The following WASHC3 variants were observed in gnomAD, a reference collection of about 807,000 sequenced individuals.
WASHC3 encodes WASH complex subunit CCDC53.
A neutral mutation model predicts 26.1 loss-of-function variants in WASHC3; 24 were observed. That is an observed-to-expected ratio of 0.92 (90% confidence interval 0.66 to 1.29). WASHC3 has a LOEUF of 1.29. WASHC3 is among the 50% of genes most tolerant of loss of function. WASHC3 has a pLI of 0.00. For missense variants in WASHC3, 214 were observed against 229.6 expected, an observed-to-expected ratio of 0.93 and a Z score of 0.44; for synonymous variants, 77 against 75.7, an observed-to-expected ratio of 1.02 and a Z score of -0.09.
At chr12:102,024,520 T>C (rs977775103) in intron 6 of WASHC3, among the ~76,000 whole-genome samples, 2 of 152,202 alleles carry the variant, frequency 1.3e-5, no homozygotes, top group Non-Finnish European at 2.9e-5. Context: ...GATTATCAAG[T>C]TGCTAGTGCA....
intron 6 of WASHC3, among the ~76,000 whole-genome samples, chr12:102,018,471 CTTTG>C (rs1228381841): frequency 3.3e-5 from 5 of 152,118 alleles, no homozygotes; most frequent in Admixed American, 6.6e-5. Context: ...TACTTATTGT[CTTTG>C]TTTGTTTATT....
chr12:102,055,148 A>C (rs1172467118), intron 2 of WASHC3, among the ~76,000 whole-genome samples: 1 of 152,228 alleles, frequency 6.6e-6, no homozygotes, highest in Non-Finnish European at 1.5e-5. Context: ...CAAAATCCAC[A>C]AACTTTTAGC....
chr12:102,047,847 TAC>T (rs1878227129), intron 2 of WASHC3, among the ~76,000 whole-genome samples: 1 of 152,216 alleles, frequency 6.6e-6, no homozygotes, highest in African/African-American at 2.4e-5. Flanking sequence ...CTACATATGG[TAC>T]AGTGTATATG....
intron 2 of WASHC3, among the ~76,000 whole-genome samples, chr12:102,053,347 AACCCT>A (rs1329865692): frequency 1.3e-5 from 2 of 151,950 alleles, no homozygotes; most frequent in Non-Finnish European, 2.9e-5. Flanking sequence ...CTCCAGGAAC[AACCCT>A]ACGAACCTAG....
At chr12:102,058,797 CAA>C (rs1174235288) in intron 2 of WASHC3, among the ~76,000 whole-genome samples, 1 of 151,960 alleles carries the variant, frequency 6.6e-6, no homozygotes, top group Non-Finnish European at 1.5e-5. Context: ...GATACGGAAT[CAA>C]AAGTGTCCAT....
chr12:102,042,170 A>G (rs1016744778), intron 4 of WASHC3, among the ~76,000 whole-genome samples: 1 of 152,162 alleles, frequency 6.6e-6, no homozygotes, highest in Admixed American at 6.5e-5. Context: ...TAGAAAGAGG[A>G]TAGTCATATT....
chr12:102,023,429 A>G (rs2121341171), intron 6 of WASHC3, among the ~76,000 whole-genome samples: 1 of 152,340 alleles, frequency 6.6e-6, no homozygotes, highest in South Asian at 2.1e-4. Flanking sequence ...AAGAAAAAAG[A>G]ACACAGAACA....
chr12:102,028,261 A>C (rs1005160004), intron 5 of WASHC3, among the ~76,000 whole-genome samples: 8 of 152,190 alleles, frequency 5.3e-5, no homozygotes, highest in African/African-American at 1.9e-4. Flanking sequence ...AATAGAGGAG[A>C]AAGCTGATTA....
intron 5 of WASHC3, among the ~76,000 whole-genome samples, chr12:102,031,148 G>T (rs1877421406): frequency 6.6e-6 from 1 of 152,094 alleles, no homozygotes; most frequent in South Asian, 2.1e-4. Flanking sequence ...TTCTTTAGAG[G>T]CCAGTTCACT....
At chr12:102,036,901 A>G (rs987480227) in intron 5 of WASHC3, among the ~76,000 whole-genome samples, 1 of 152,228 alleles carries the variant, frequency 6.6e-6, no homozygotes, top group African/African-American at 2.4e-5. Flanking sequence ...GTTAAGTGCT[A>G]AGTACTGCTA....
intron 6 of WASHC3, 168 bp downstream of exon 6, chr12:102,025,806 T>C: frequency 1.8e-6 from 1 of 569,634 alleles, no homozygotes; most frequent in Middle Eastern, 4.6e-4. Flanking sequence ...TAGTAGAATA[T>C]GATATTTTTC....
At chr12:102,032,576 A>C (rs1055749438) in intron 5 of WASHC3, among the ~76,000 whole-genome samples, 4 of 152,186 alleles carry the variant, frequency 2.6e-5, no homozygotes, top group African/African-American at 9.6e-5. Flanking sequence ...AAAATCTTGT[A>C]TAAAACTTGG....
chr12:102,013,263 T>C, intron 6 of WASHC3, 71 bp from the exon 7 acceptor site: 1 of 758,166 alleles, frequency 1.3e-6, no homozygotes, highest in Non-Finnish European at 2.2e-6. Flanking sequence ...CTCTTAAATT[T>C]GGTTCATCTT....
At chr12:102,050,989 C>G (rs1327614309) in intron 2 of WASHC3, among the ~76,000 whole-genome samples, 1 of 152,256 alleles carries the variant, frequency 6.6e-6, no homozygotes, top group African/African-American at 2.4e-5. Flanking sequence ...TGGTGCCAAT[C>G]ACTGGAAGAG....
chr12:102,050,664 A>C (rs1594369419), intron 2 of WASHC3: 3 of 435,858 alleles, frequency 6.9e-6, no homozygotes, highest in African/African-American at 4.1e-5. Flanking sequence ...AAAAGAAAAA[A>C]AAATTATTAA....
chr12:102,031,311 G>C (rs1877429011), intron 5 of WASHC3, among the ~76,000 whole-genome samples: 1 of 152,158 alleles, frequency 6.6e-6, no homozygotes, highest in Non-Finnish European at 1.5e-5. Flanking sequence ...CTGCTTAAGG[G>C]AAAACTCTAT....
intron 2 of WASHC3, among the ~76,000 whole-genome samples, chr12:102,049,980 A>G (rs1439933146): frequency 6.6e-6 from 1 of 152,170 alleles, no homozygotes; most frequent in African/African-American, 2.4e-5. Context: ...GAAAAAAGAA[A>G]AATTTCAGAA....
At chr12:102,039,358 T>C (rs1328267687) in intron 5 of WASHC3, among the ~76,000 whole-genome samples, 1 of 152,098 alleles carries the variant, frequency 6.6e-6, no homozygotes, top group Non-Finnish European at 1.5e-5. Flanking sequence ...AAAAAAATGT[T>C]AGCTTCTGCT....
chr12:102,043,836 A>G, intron 4 of WASHC3: 2 of 176,520 alleles, frequency 1.1e-5, no homozygotes, highest in East Asian at 2.8e-4. Context: ...AAAAATTTCT[A>G]ATTATTTTGA....
Sources: gnomAD v4.1 joint callset for allele counts (sites outside exome capture counted in the v4.1 genomes callset) on GRCh38, gnomAD v4.1.1 for gene constraint, MANE v1.5 for transcripts, NCBI Gene and HGNC (gene_info 2026-07-23, HGNC 2026-07-21) for gene names.